Variants in IL1RAPL1 observed in about 807,000 individuals in gnomAD.
IL1RAPL1 encodes the protein interleukin-1 receptor accessory protein-like 1.
Under a neutral mutation model 48.4 loss-of-function variants are expected in IL1RAPL1, and 3 were observed. The observed-to-expected ratio is 0.06, with a 90% CI of 0.03 to 0.16. The LOEUF is 0.16. IL1RAPL1 is among the 10% of genes least tolerant of loss of function. The pLI, the probability that IL1RAPL1 is intolerant of heterozygous loss-of-function variation, is 1.00. For missense variants in IL1RAPL1, 349 were observed against 530.6 expected (o/e 0.66, Z 3.36); for synonymous variants, 185 against 187.7 (o/e 0.99, Z 0.12).
chrX:28,706,228 C>T lies in IL1RAPL1; in HGVS notation c.-24-83092C>T, dbSNP rs147949576. 9.6e-3 allele frequency among the ~76,000 whole-genome samples: 1,068 copies of T among 111,422 alleles called. 11 individuals are homozygous for T. The highest frequency in any genetic ancestry group is 0.033 in the African/African-American group (1,012 of 30,661). ...ATACCTACCATTGTGTTGCAATTGCCTACAGTATTCAGTACAGTAATTTGC... is the reference window on the plus strand; with the variant it reads ...ATACCTACCATTGTGTTGCAATTGCTTACAGTATTCAGTACAGTAATTTGC... On this transcript the variant is annotated intron_variant, in intron 1 of 10. Coordinates refer to ENST00000378993, the MANE Select transcript of IL1RAPL1 (RefSeq NM_014271.4).
chrX:29,165,579 C>T (rs900260474), intron 2 of IL1RAPL1, among the ~76,000 whole-genome samples: 1 of 111,171 alleles, frequency 9.0e-6, no homozygotes, highest in Non-Finnish European at 1.9e-5. Flanking sequence ...TAGTAGAATC[C>T]TTCCGTGGAA....
chrX:29,802,803 A>ACATGTATG (rs1569172807), intron 6 of IL1RAPL1, among the ~76,000 whole-genome samples: 32 of 60,293 alleles, frequency 5.3e-4, no homozygotes, highest in African/African-American at 2.4e-3. Context: ...ATATATATAT[A>ACATGTATG]TATATATGTG....
chrX:29,341,502 T>C (rs1053890809), intron 3 of IL1RAPL1, among the ~76,000 whole-genome samples: 1 of 111,261 alleles, frequency 9.0e-6, no homozygotes, highest in East Asian at 2.8e-4. Context: ...GGCTAAGAGG[T>C]TGGAATAATG....
intron 5 of IL1RAPL1, among the ~76,000 whole-genome samples, chrX:29,454,941 G>A (rs917167373): frequency 3.6e-5 from 4 of 110,246 alleles, no homozygotes; most frequent in Non-Finnish European, 5.7e-5. Context: ...TAGATCCCGA[G>A]TGCACAGGAA....
intron 1 of IL1RAPL1, among the ~76,000 whole-genome samples, chrX:28,734,996 A>C (rs5943539): frequency 0.5 from 55,697 of 110,509 alleles, 10,417 homozygotes; most frequent in Middle Eastern, 0.73. Context: ...AAAATTACTT[A>C]CTGTGGCATC....
chrX:29,650,089 G>A (rs1052534937), intron 5 of IL1RAPL1, among the ~76,000 whole-genome samples: 22 of 111,604 alleles, frequency 2.0e-4, no homozygotes, highest in African/African-American at 9.7e-5. Context: ...AACTGTAGCC[G>A]TTTTACATTT....
intron 1 of IL1RAPL1, among the ~76,000 whole-genome samples, chrX:28,776,088 T>C (rs1042760222): frequency 2.7e-5 from 3 of 111,898 alleles, no homozygotes; most frequent in African/African-American, 9.7e-5. Flanking sequence ...CCCTAATATC[T>C]AGGACAGTGC....
At chrX:28,784,809 A>G (rs1328213197) in intron 1 of IL1RAPL1, among the ~76,000 whole-genome samples, 11 of 111,011 alleles carry the variant, frequency 9.9e-5, no homozygotes, top group Non-Finnish European at 3.8e-5. Context: ...TTTTCTACCT[A>G]TAAAAGGAGT....
chrX:29,246,424 GT>G (rs1188076765), intron 2 of IL1RAPL1, among the ~76,000 whole-genome samples: 2 of 109,993 alleles, frequency 1.8e-5, no homozygotes, highest in African/African-American at 6.6e-5. Flanking sequence ...CATCCTTCTA[GT>G]CATGACTTCA....
At chrX:28,688,595 T>C (rs1935141047) in intron 1 of IL1RAPL1, among the ~76,000 whole-genome samples, 1 of 111,785 alleles carries the variant, frequency 8.9e-6, no homozygotes, top group African/African-American at 3.3e-5. Context: ...GAATTAGGCA[T>C]TATTATTTGA....
chrX:29,862,969 TAA>T (rs1206630965), intron 6 of IL1RAPL1, among the ~76,000 whole-genome samples: 14 of 61,523 alleles, frequency 2.3e-4, no homozygotes, highest in Admixed American at 4.1e-4. Flanking sequence ...TTGGCATACT[TAA>T]AAAAAAAAAA....
At chrX:29,921,465 A>G (rs1215907949) in intron 8 of IL1RAPL1, among the ~76,000 whole-genome samples, 1 of 112,057 alleles carries the variant, frequency 8.9e-6, no homozygotes, top group African/African-American at 3.2e-5. Context: ...ATGGTACTAA[A>G]ATAGTCTACC....
intron 1 of IL1RAPL1, among the ~76,000 whole-genome samples, chrX:28,691,430 G>A (rs1935177727): frequency 9.0e-6 from 1 of 111,666 alleles, no homozygotes; most frequent in African/African-American, 3.3e-5. Flanking sequence ...ACATTCAATT[G>A]TGTCATGTAC....
intron 5 of IL1RAPL1, among the ~76,000 whole-genome samples, chrX:29,490,865 T>TATACGTATATATATATATACGTATATATA (rs778859346): frequency 9.3e-6 from 1 of 107,593 alleles, no homozygotes; most frequent in African/African-American, 3.6e-5. Context: ...TATATATATA[T>TATACGTATATATATATATACGTATATATA]TCTGAGTGTG....
chrX:28,730,729 T>A (rs1312022258), intron 1 of IL1RAPL1, among the ~76,000 whole-genome samples: 1 of 111,699 alleles, frequency 9.0e-6, no homozygotes, highest in Admixed American at 9.6e-5. Context: ...GTTCAGAAAG[T>A]TTTTCTTGCT....
intron 6 of IL1RAPL1, among the ~76,000 whole-genome samples, chrX:29,770,191 T>C (rs182771835): frequency 6.6e-4 from 74 of 112,338 alleles, no homozygotes; most frequent in African/African-American, 2.2e-3. Flanking sequence ...ATAAAACTGA[T>C]GGAAGCATGT....
At chrX:29,176,784 C>G (rs962613188) in intron 2 of IL1RAPL1, among the ~76,000 whole-genome samples, 1 of 110,378 alleles carries the variant, frequency 9.1e-6, no homozygotes, top group Non-Finnish European at 1.9e-5. Context: ...GTATTGTGCC[C>G]CCTTCCCCAC....
chrX:29,409,715 A>G (rs977242208), intron 5 of IL1RAPL1, among the ~76,000 whole-genome samples: 1 of 111,636 alleles, frequency 9.0e-6, no homozygotes, highest in Admixed American at 9.6e-5. Context: ...ACAAGACATC[A>G]TAAACTTGAA....
chrX:29,833,548 T>C (rs924136868), intron 6 of IL1RAPL1, among the ~76,000 whole-genome samples: 3 of 111,488 alleles, frequency 2.7e-5, no homozygotes, highest in South Asian at 7.6e-4. Context: ...ATTTAAAACA[T>C]AGAAACTTAT....
Sources: allele counts gnomAD v4.1 joint callset (sites outside exome capture counted in the v4.1 genomes callset), GRCh38; gene constraint gnomAD v4.1.1; transcripts MANE v1.5; gene names NCBI Gene and HGNC (gene_info 2026-07-23, HGNC 2026-07-21).